NEXMIF: variants seen among roughly 807,000 people sequenced by gnomAD.
NEXMIF encodes neurite extension and migration factor.
NEXMIF carries 8 observed loss-of-function variants against 62.1 expected under a neutral mutation model. That is an observed-to-expected ratio of 0.13 (90% CI 0.08 to 0.23). NEXMIF has a LOEUF of 0.23. Among genes scored for constraint, NEXMIF ranks in the 10% least tolerant of loss-of-function variants. The pLI is 1.00. For missense variants in NEXMIF, 976 were observed against 1,113.3 expected, an observed-to-expected ratio of 0.88 and a Z score of 1.75; for synonymous variants, 404 against 416.6, an observed-to-expected ratio of 0.97 and a Z score of 0.37.
intron 1 of NEXMIF, among the ~76,000 whole-genome samples, chrX:74,920,318 C>T (rs2080822280): frequency 1.8e-5 from 2 of 111,823 alleles, no homozygotes; most frequent in South Asian, 7.5e-4. Flanking sequence ...GATTGCCATT[C>T]TAACTGGTGT....
At chrX:74,859,829 A>G (rs970444096) in intron 1 of NEXMIF, among the ~76,000 whole-genome samples, 1 of 111,690 alleles carries the variant, frequency 9.0e-6, no homozygotes, top group Non-Finnish European at 1.9e-5. Context: ...AAACAATGCT[A>G]TGTTGTTGTC....
intron 1 of NEXMIF, among the ~76,000 whole-genome samples, chrX:74,772,309 T>C (rs1362525440): frequency 8.9e-6 from 1 of 112,285 alleles, no homozygotes; most frequent in Non-Finnish European, 1.9e-5. Flanking sequence ...ATGGCCCTAG[T>C]ATAATCCTAC....
intron 1 of NEXMIF, among the ~76,000 whole-genome samples, chrX:74,841,148 A>AT (rs772209633): frequency 2.7e-5 from 3 of 109,322 alleles, no homozygotes; most frequent in Admixed American, 9.7e-5. Flanking sequence ...GTCCTCTCTG[A>AT]TTTTTTTTGC....
At chrX:74,739,905 C>CT in intron 3 of NEXMIF, 195 bp downstream of exon 3, 1 of 418,577 alleles carries the variant, frequency 2.4e-6, no homozygotes, top group Non-Finnish European at 4.1e-6. Flanking sequence ...ATTGCCCAAT[C>CT]TTTTGGGTGG....
In NEXMIF at chrX:74,742,267, T is replaced by A; in HGVS notation, c.2290A>T (p.Ile764Phe). The A allele has an allele frequency of 4.1e-6, 5 of 1,211,915 alleles. No individual in the cohort carries two copies. The highest frequency in any genetic ancestry group is 5.6e-6 in the Non-Finnish European group (5 of 895,441). The change falls in exon 3 of 4, where the codon ATT (isoleucine) becomes TTT (phenylalanine). Residue 764 changes from isoleucine (I) to phenylalanine (F), a missense_variant. Ile to Phe is a conservative substitution (Grantham distance 21). Around this residue, in one of 5 missense-constraint regions of NEXMIF, gnomAD observed 639 missense variants for 694.5 expected, o/e 0.92. Coordinates refer to ENST00000055682, the MANE Select transcript of NEXMIF (RefSeq NM_001008537.3). ...SSKANLKNEV[I>F]PGTSNSSRLS... ...CGGGAACTGTTTGATGTCCCAGGAA[T>A]AACTTCATTCTTTAAATTAGCCTTT... is the stretch of plus-strand genomic sequence containing the variant.
intron 1 of NEXMIF, among the ~76,000 whole-genome samples, chrX:74,819,983 T>C (rs2080389424): frequency 8.9e-6 from 1 of 111,750 alleles, no homozygotes; most frequent in South Asian, 3.8e-4. Flanking sequence ...GCGGCACATA[T>C]ACACCATGGA....
intron 1 of NEXMIF, among the ~76,000 whole-genome samples, chrX:74,823,204 G>A (rs979954182): frequency 8.9e-6 from 1 of 111,878 alleles, no homozygotes; most frequent in Non-Finnish European, 1.9e-5. Flanking sequence ...ATGGTGGGGA[G>A]TAACTGCTAA....
intron 1 of NEXMIF, among the ~76,000 whole-genome samples, chrX:74,787,719 C>T (rs1171358973): frequency 1.8e-5 from 2 of 111,769 alleles, no homozygotes; most frequent in Admixed American, 1.9e-4. Context: ...TTCTGTTTTC[C>T]CCAGCTTACC....
chrX:74,750,511 T>A (rs1236968330), intron 1 of NEXMIF, among the ~76,000 whole-genome samples: 1 of 111,467 alleles, frequency 9.0e-6, no homozygotes, highest in Non-Finnish European at 1.9e-5. Context: ...AATCTTCAGG[T>A]TGGGTTAGGG....
Position 74,740,290 on chromosome X carries a change from G to A in NEXMIF, c.4267C>T (p.Arg1423Cys), listed in dbSNP as rs200322426. The change falls in exon 3 of 4, where the codon CGC becomes TGC. Residue 1423 changes from arginine to cysteine, a missense_variant. By Grantham distance (180) the Arg-to-Cys change is radical. Around this residue, in one of 5 missense-constraint regions of NEXMIF, gnomAD observed 137 missense variants for 128.9 expected, o/e 1.06. Transcript: ENST00000055682. ...TACTTTTTATCAAAGAAGGTAGAGCGAGAGTCCTCGTTATAACCAGGCATG... is the reference window on the plus strand; with the variant it reads ...TACTTTTTATCAAAGAAGGTAGAGCAAGAGTCCTCGTTATAACCAGGCATG... ...ANMPGYNEDS[R>C]STFFDKKYSN... The A allele has an allele frequency of 1.2e-5, 14 of 1,209,178 alleles. No homozygotes were observed. The highest frequency in any genetic ancestry group is 7.0e-5 in the African/African-American group (4 of 56,919).
chrX:74,741,592 G>A lies in NEXMIF; in HGVS notation c.2965C>T (p.Arg989Trp). Residue 989 changes from arginine (R) to tryptophan (W), a missense_variant, in exon 3 of 4, where the codon CGG becomes TGG. Physicochemically the swap from Arg to Trp is moderately radical, Grantham distance 101. This residue lies in a region of NEXMIF where 639 missense variants were observed against 694.5 expected (regional missense o/e 0.92). Coordinates refer to ENST00000055682, the MANE Select transcript of NEXMIF (RefSeq NM_001008537.3). The part of the protein sequence containing the change: ...QQGPVNMDDG[R>W]LFSFDSMAPL... ...GCCATTGAATCAAAGCTAAAGAGCC[G>A]ACCATCATCCATATTGACTGGCCCC... 8.3e-7 allele frequency: 1 copy of A among 1,211,419 alleles called. No homozygotes were observed. The highest frequency in any genetic ancestry group is 1.1e-6 in the Non-Finnish European group (1 of 895,341).
intron 1 of NEXMIF, among the ~76,000 whole-genome samples, chrX:74,860,873 T>C (rs1299137823): frequency 9.0e-6 from 1 of 110,554 alleles, no homozygotes; most frequent in African/African-American, 3.3e-5. Context: ...CCAAAATTAG[T>C]AGAAGAAAAG....
intron 1 of NEXMIF, among the ~76,000 whole-genome samples, chrX:74,836,779 C>A (rs1417875530): frequency 1.8e-5 from 2 of 111,564 alleles, no homozygotes; most frequent in Non-Finnish European, 3.8e-5. Context: ...GCAAGCACTC[C>A]TTTAGCTGCC....
Position 74,743,934 on chromosome X carries a change from G to A in NEXMIF, c.623C>T (p.Pro208Leu). 1 of 1,210,681 alleles carries A rather than the reference G, an allele frequency of 8.3e-7. No individual in the cohort carries two copies. The highest frequency in any genetic ancestry group is 1.7e-5 in the African/African-American group (1 of 57,652). Reference sequence around the variant, plus strand: ...GTCTCCTGCCCTTGACTTATGCAGGGGGAAGCCTAGGAGCTGGTCTGAGAG... The same window carrying A: ...GTCTCCTGCCCTTGACTTATGCAGGAGGAAGCCTAGGAGCTGGTCTGAGAG... Reference protein sequence around the residue: ...QLLSDQLLGFPLHKSRAGDRR... With the variant: ...QLLSDQLLGFLLHKSRAGDRR... Residue 208 changes from proline (P) to leucine (L), a missense_variant, in exon 3 of 4, where the codon CCC (proline) becomes CTC (leucine). Pro to Leu is a moderately conservative substitution (Grantham distance 98). Around this residue, in one of 5 missense-constraint regions of NEXMIF, gnomAD observed 45 missense variants for 86.8 expected, o/e 0.52. Coordinates refer to ENST00000055682, the MANE Select transcript of NEXMIF (RefSeq NM_001008537.3).
At chrX:74,853,576 C>T (rs1443652117) in intron 1 of NEXMIF, among the ~76,000 whole-genome samples, 1 of 110,459 alleles carries the variant, frequency 9.1e-6, no homozygotes, top group Non-Finnish European at 1.9e-5. Context: ...TCTCAGGCTG[C>T]TTCCTGTTAG....
At chrX:74,816,511 C>T (rs1294102024) in intron 1 of NEXMIF, among the ~76,000 whole-genome samples, 1 of 111,557 alleles carries the variant, frequency 9.0e-6, no homozygotes, top group Non-Finnish European at 1.9e-5. Flanking sequence ...TGAGTTGCTT[C>T]TTTTTTAATT....
At chrX:74,822,748 G>C (rs2080401309) in intron 1 of NEXMIF, among the ~76,000 whole-genome samples, 1 of 112,019 alleles carries the variant, frequency 8.9e-6, no homozygotes. Context: ...TGTTGGCATG[G>C]ATGTAGATAA....
chrX:74,878,628 C>T lies in NEXMIF; in HGVS notation c.-48+46255G>A, dbSNP rs1054975626. 8.0e-5 allele frequency among the ~76,000 whole-genome samples: 9 copies of T among 112,665 alleles called. No individual in the cohort carries two copies. The East Asian group carries it at 8.4e-4, about 10-fold the overall frequency. On this transcript the variant is annotated intron_variant, in intron 1 of 3. Coordinates refer to ENST00000055682, the MANE Select transcript of NEXMIF (RefSeq NM_001008537.3). ...CAGATTGATCTCAGACTGCAGTGCT[C>T]GCAATCAGCGGGACTCCGTGGGCGT...
chrX:74,741,195 C>T lies in NEXMIF; in HGVS notation c.3362G>A (p.Arg1121Gln), dbSNP rs765054230. 9.1e-6 allele frequency: 11 copies of T among 1,209,253 alleles called. No individual in the cohort carries two copies. In the African/African-American group the frequency reaches 1.1e-4, roughly 12 times the overall value. Residue 1121 changes from arginine (R) to glutamine (Q), a missense_variant, in exon 3 of 4, where the codon CGG (arginine) becomes CAG (glutamine). Around this residue, in one of 5 missense-constraint regions of NEXMIF, gnomAD observed 639 missense variants for 694.5 expected, o/e 0.92. Transcript: ENST00000055682. ...KIKWDCSTLS[R>Q]QVQMEDGFTL... ...AAATCCATCCTCCATTTGGACCTGCCGTGAAAGGGTACTGCAGTCCCACTT... is the reference window on the plus strand; with the variant it reads ...AAATCCATCCTCCATTTGGACCTGCTGTGAAAGGGTACTGCAGTCCCACTT...
Sources: allele counts gnomAD v4.1 joint callset (sites outside exome capture counted in the v4.1 genomes callset), GRCh38; gene constraint gnomAD v4.1.1; regional missense constraint gnomAD v4.1.1; transcripts MANE v1.5; gene names NCBI Gene and HGNC (gene_info 2026-07-23, HGNC 2026-07-21).